Variants in ZNF738 observed in about 807,000 individuals in gnomAD.
ZNF738 encodes zinc finger protein 738, also known as protein ZNF738.
A neutral mutation model predicts 9.2 loss-of-function variants in ZNF738; 10 were observed. The observed-to-expected ratio is 1.09, with a 90% CI of 0.67 to 1.85. The LOEUF (loss-of-function observed/expected upper bound fraction) is 1.85, where lower values mean the gene tolerates loss of function less well. Ranked by LOEUF, ZNF738 falls within the 40% of genes most tolerant of loss-of-function variation. The pLI is 0.00. For synonymous variants in ZNF738, 113 were observed against 94.5 expected (o/e 1.20, Z -1.14); for missense variants, 346 against 283.6 (o/e 1.22, Z -1.58).
intron 2 of ZNF738, among the ~76,000 whole-genome samples, chr19:21,367,456 G>A (rs1467072204): frequency 6.6e-6 from 1 of 152,088 alleles, no homozygotes; most frequent in Admixed American, 6.6e-5. Flanking sequence ...CCTGAATCAG[G>A]GTCTGTGCTG....
intron 2 of ZNF738, among the ~76,000 whole-genome samples, chr19:21,368,459 C>CT (rs567976356): frequency 1.3e-4 from 20 of 151,016 alleles, no homozygotes; most frequent in South Asian, 2.1e-4. Context: ...GAGACAAACT[C>CT]TTTTTTTTTC....
At position 21,359,154 on chromosome 19, in the gene ZNF738, GGGGTC is replaced by G. The variant is rs1973648280; in HGVS notation, c.3+12_3+16del. Reference sequence around the variant, plus strand: ...GGAAGCCTAGAAATGGTGAGAGTGCGGGGTCCAACATCCCGAGAGAGGGGAAGGGC... The same window carrying G: ...GGAAGCCTAGAAATGGTGAGAGTGCGCAACATCCCGAGAGAGGGGAAGGGC... On this transcript the variant is annotated intron_variant, in intron 1 of 4. Transcript: ENST00000683779. 9.5e-7 allele frequency: 1 copy of G among 1,050,982 alleles called. No individual in the cohort carries two copies. The highest frequency in any genetic ancestry group is 1.3e-5 in the South Asian group (1 of 79,792). The allele number at this position is 1,050,982 out of a possible 1,614,324, so 65.1% of individuals were successfully genotyped here.
chr19:21,359,360 A>G (rs1339365327), intron 1 of ZNF738, among the ~76,000 whole-genome samples: 8 of 152,082 alleles, frequency 5.3e-5, no homozygotes, highest in Non-Finnish European at 1.0e-4. Flanking sequence ...CTGCATAGTG[A>G]CTGTGCCCTT....
At chr19:21,367,540 G>A (rs1973799336) in intron 2 of ZNF738, among the ~76,000 whole-genome samples, 1 of 152,116 alleles carries the variant, frequency 6.6e-6, no homozygotes, top group Non-Finnish European at 1.5e-5. Flanking sequence ...TTCAGCAAAT[G>A]CTACAGATTT....
intron 1 of ZNF738, among the ~76,000 whole-genome samples, chr19:21,359,898 A>C (rs566318289): frequency 1.1e-4 from 17 of 152,188 alleles, no homozygotes; most frequent in Non-Finnish European, 2.1e-4. Flanking sequence ...TTAACTTATT[A>C]AATAATTTAA....
At chr19:21,375,103 GA>G in intron 2 of ZNF738, 134 bp from the exon 3 acceptor site, 1 of 532,158 alleles carries the variant, frequency 1.9e-6, no homozygotes, top group Non-Finnish European at 3.3e-6. Context: ...TTTCTGTGTT[GA>G]AAATTGTTGG....
At position 21,384,044 on chromosome 19, in the gene ZNF738, T is replaced by C. The variant is rs1974038099; in HGVS notation, c.*370T>C. The C allele has an allele frequency of 6.4e-7, 1 of 1,558,812 alleles. No homozygotes were observed. On this transcript the variant is annotated 3_prime_UTR_variant, in exon 5 of 5. Coordinates refer to ENST00000683779, the MANE Select transcript of ZNF738 (RefSeq NM_001355237.2). ...CTTTCTACCGATTCATTTACCTTAC[T>C]ACACATAAGAGAATTCACACTGGAG... is the stretch of plus-strand genomic sequence containing the variant.
intron 4 of ZNF738, chr19:21,381,137 G>C: frequency 2.4e-6 from 2 of 836,572 alleles, no homozygotes; most frequent in Non-Finnish European, 1.9e-6. Flanking sequence ...CATTAAGCAC[G>C]TGAGAGTCAC....
intron 2 of ZNF738, among the ~76,000 whole-genome samples, chr19:21,370,212 A>T (rs1423406306): frequency 1.3e-5 from 2 of 152,218 alleles, no homozygotes; most frequent in Non-Finnish European, 2.9e-5. Flanking sequence ...ATGTTGAACC[A>T]ACCTTTTATT....
At chr19:21,369,963 A>G (rs1973836267) in intron 2 of ZNF738, among the ~76,000 whole-genome samples, 1 of 151,964 alleles carries the variant, frequency 6.6e-6, no homozygotes, top group Non-Finnish European at 1.5e-5. Context: ...ACAAGCACAC[A>G]CCACCATGCC....
At position 21,383,647 on chromosome 19, in the gene ZNF738, T is replaced by C; in HGVS notation, c.1101T>C (p.Thr367=). ...TTACCAGACATAAGATAATTCATAC[T>C]GGAGAGAAACCCTACAAATGTGAAT... ...SHLTRHKIIH[T]GEKPYKCE The change falls in exon 5 of 5, where the codon ACT becomes ACC. Residue 367 remains threonine (T), a synonymous_variant. Coordinates refer to ENST00000683779, the MANE Select transcript of ZNF738 (RefSeq NM_001355237.2). 1.0e-6 allele frequency: 1 copy of C among 970,824 alleles called. No homozygotes were observed. Among genetic ancestry groups the C allele is most frequent in the Non-Finnish European group, 1.6e-6 (1 of 610,334 alleles). 60.1% of individuals were successfully genotyped at this position (970,824 alleles called of 1,614,324 possible).
intron 1 of ZNF738, chr19:21,360,690 G>A (rs942381425): frequency 6.6e-6 from 1 of 152,270 alleles, no homozygotes. Flanking sequence ...CTGACCTCAG[G>A]TGATCCGCCC....
intron 1 of ZNF738, 53 bp downstream of exon 1, chr19:21,359,196 G>T (rs199571370): frequency 1.1e-5 from 11 of 1,038,644 alleles, no homozygotes; most frequent in Admixed American, 1.7e-5. Flanking sequence ...GGTTGGAACC[G>T]GTGGGAAGTG....
At chr19:21,365,178 G>A (rs763047580) in intron 2 of ZNF738, among the ~76,000 whole-genome samples, 10 of 152,204 alleles carry the variant, frequency 6.6e-5, no homozygotes, top group Non-Finnish European at 1.2e-4. Flanking sequence ...TGGTGGGAGT[G>A]TAGCAGTGAG....
rs188230335 is a variant in ZNF738, at chr19:21,381,534, C to A, written c.320-1332C>A. 1,897 of 779,438 alleles carry A rather than the reference C, an allele frequency of 2.4e-3. 5 individuals are homozygous for A. The highest frequency in any genetic ancestry group is 7.4e-3 in the Middle Eastern group (19 of 2,562). 48.3% of individuals were successfully genotyped at this position (779,438 alleles called of 1,614,324 possible). A position where few individuals can be genotyped will look rare whatever the true frequency, so the allele number is the denominator to read the frequency against. On this transcript the variant is annotated intron_variant, in intron 4 of 4. Transcript: ENST00000683779. ...TTCGAGATGGAGTCTCATTCTGTCA[C>A]CCAGGCTGCAGTGCAGTGGCGTGAT...
At chr19:21,359,334 G>A (rs761397748) in intron 1 of ZNF738, among the ~76,000 whole-genome samples, 191 bp downstream of exon 1, 3 of 152,214 alleles carry the variant, frequency 2.0e-5, no homozygotes, top group Non-Finnish European at 4.4e-5. Context: ...CGGCCCCCGG[G>A]CGTCCTGTCT....
Position 21,382,889 on chromosome 19 carries a change from G to T in ZNF738, c.343G>T (p.Asp115Tyr). 1 of 496,944 alleles carries T rather than the reference G, an allele frequency of 2.0e-6. No individual in the cohort carries two copies. The highest frequency in any genetic ancestry group is 2.1e-5 in the South Asian group (1 of 47,986). 30.8% of individuals were successfully genotyped at this position (496,944 alleles called of 1,614,324 possible). A position where few individuals can be genotyped will look rare whatever the true frequency, so the allele number is the denominator to read the frequency against. ...AGTTACATATTCTCATTTTGCCCAGGACCTTTGGCCACAGCCGGGCATAAA... is the reference window on the plus strand; with the variant it reads ...AGTTACATATTCTCATTTTGCCCAGTACCTTTGGCCACAGCCGGGCATAAA... ...PPVTYSHFAQ[D>Y]LWPQPGIKDS... The change falls in exon 5 of 5, where the codon GAC becomes TAC. Residue 115 changes from aspartate to tyrosine, a missense_variant. By Grantham distance (160) the Asp-to-Tyr change is radical (BLOSUM62 -3). Coordinates refer to ENST00000683779, the MANE Select transcript of ZNF738 (RefSeq NM_001355237.2).
In ZNF738 at chr19:21,383,056, T is replaced by A. The variant is rs552049934; in HGVS notation, c.510T>A (p.Thr170=). The change falls in exon 5 of 5, where the codon ACT becomes ACA. Residue 170 remains threonine, a synonymous_variant. Coordinates refer to ENST00000683779, the MANE Select transcript of ZNF738 (RefSeq NM_001355237.2). ...GYNELKEYLT[T]TQSKIFQCDK... is the part of the protein sequence containing the mutation. ...ATGAACTAAAAGAGTATTTGACAACTACCCAGAGCAAAATATTTCAATGTG... is the reference window on the plus strand; with the variant it reads ...ATGAACTAAAAGAGTATTTGACAACAACCCAGAGCAAAATATTTCAATGTG... 6 of 1,111,110 alleles carry A rather than the reference T, an allele frequency of 5.4e-6. No individual in the cohort carries two copies. The East Asian group carries it at 1.2e-4, about 22-fold the overall frequency. 68.8% of individuals were successfully genotyped at this position (1,111,110 alleles called of 1,614,324 possible).
chr19:21,373,111 A>C (rs747213499), intron 2 of ZNF738, among the ~76,000 whole-genome samples: 7 of 152,148 alleles, frequency 4.6e-5, no homozygotes, highest in Non-Finnish European at 8.8e-5. Context: ...ACCCTTTCCA[A>C]ACCTACAGAA....
Sources: allele counts gnomAD v4.1 joint callset (sites outside exome capture counted in the v4.1 genomes callset), GRCh38; gene constraint gnomAD v4.1.1; transcripts MANE v1.5; gene names NCBI Gene and HGNC (gene_info 2026-07-23, HGNC 2026-07-21).